Variants in KCNIP4 observed in about 807,000 individuals in gnomAD.
The protein encoded by KCNIP4 is potassium voltage-gated channel interacting protein 4.
In KCNIP4, 12 loss-of-function variants were observed where a neutral mutation model predicts 34.0. The ratio of observed to expected loss-of-function variants is 0.35; its 90% CI spans 0.23 to 0.57. KCNIP4 has a LOEUF of 0.57. Ranked by LOEUF, KCNIP4 falls within the 20% of genes least tolerant of loss-of-function variation. The probability of loss-of-function intolerance (pLI) is 0.83; values close to 1 mark genes in which losing one functional copy is unlikely to be tolerated. For missense variants in KCNIP4, 238 were observed against 311.7 expected (o/e 0.76, Z 1.78); for synonymous variants, 124 against 102.2 (o/e 1.21, Z -1.29).
chr4:21,343,703 AG>A (rs1415456381), intron 1 of KCNIP4, among the ~76,000 whole-genome samples: 1 of 152,038 alleles, frequency 6.6e-6, no homozygotes, highest in Non-Finnish European at 1.5e-5. Context: ...CTTCACCCCC[AG>A]AAAGTCTCAG....
intron 1 of KCNIP4, among the ~76,000 whole-genome samples, chr4:21,014,744 C>T (rs76349941): frequency 0.058 from 8,858 of 152,214 alleles, 299 homozygotes; most frequent in South Asian, 0.11. Context: ...TTACCATTGA[C>T]TCAGCAATTC....
intron 1 of KCNIP4, among the ~76,000 whole-genome samples, chr4:21,236,800 G>C (rs1759389266): frequency 6.6e-6 from 1 of 151,404 alleles, no homozygotes; most frequent in African/African-American, 2.4e-5. Context: ...ACAAGGTCAG[G>C]AGCTCAAGAC....
chr4:21,640,635 C>G (rs1746548952), intron 1 of KCNIP4, among the ~76,000 whole-genome samples: 1 of 152,210 alleles, frequency 6.6e-6, no homozygotes. Context: ...AGCCCTTTCT[C>G]AATCCCTGAG....
At chr4:20,996,016 T>C (rs1221283700) in intron 1 of KCNIP4, among the ~76,000 whole-genome samples, 1 of 152,224 alleles carries the variant, frequency 6.6e-6, no homozygotes, top group Non-Finnish European at 1.5e-5. Context: ...GAGTGTTGCA[T>C]GGAGTCTGAG....
intron 1 of KCNIP4, among the ~76,000 whole-genome samples, chr4:21,236,058 G>A (rs1300933073): frequency 1.3e-5 from 2 of 152,158 alleles, no homozygotes; most frequent in African/African-American, 2.4e-5. Flanking sequence ...AGTTTGGGAG[G>A]CTGAGGCAGG....
chr4:20,955,694 G>T (rs895796745), intron 1 of KCNIP4, among the ~76,000 whole-genome samples: 2 of 152,168 alleles, frequency 1.3e-5, no homozygotes, highest in Non-Finnish European at 2.9e-5. Flanking sequence ...ACCTGAGAGA[G>T]GTAAGTTGAA....
At chr4:21,409,168 A>G (rs1011852256) in intron 1 of KCNIP4, among the ~76,000 whole-genome samples, 3 of 151,154 alleles carry the variant, frequency 2.0e-5, no homozygotes. Context: ...ATGCAATGGC[A>G]TGATCATAGC....
chr4:21,921,400 TATA>T (rs900379893), intron 1 of KCNIP4, among the ~76,000 whole-genome samples: 1 of 152,158 alleles, frequency 6.6e-6, no homozygotes, highest in African/African-American at 2.4e-5. Context: ...TTAAAGAAAA[TATA>T]CATTACAAGG....
At chr4:21,087,146 ATGTGTGTGTGTGTGTG>A (rs34874556) in intron 1 of KCNIP4, among the ~76,000 whole-genome samples, 5 of 110,918 alleles carry the variant, frequency 4.5e-5, no homozygotes, top group Admixed American at 1.9e-4. Context: ...CTGCTGGGTA[ATGTGTGTGTGTGTGTG>A]TGTGTGTGTG....
intron 1 of KCNIP4, among the ~76,000 whole-genome samples, chr4:20,963,049 T>C (rs1387342142): frequency 2.6e-5 from 4 of 152,052 alleles, no homozygotes; most frequent in Non-Finnish European, 5.9e-5. Context: ...AGGCCAGACA[T>C]GGTGGCTCAC....
intron 1 of KCNIP4, among the ~76,000 whole-genome samples, chr4:21,068,619 C>T (rs997834852): frequency 6.6e-6 from 1 of 152,064 alleles, no homozygotes; most frequent in Non-Finnish European, 1.5e-5. Context: ...CATGGCTGTC[C>T]TTTTCTTGTC....
intron 1 of KCNIP4, among the ~76,000 whole-genome samples, chr4:21,747,043 A>G (rs187906521): frequency 1.5e-4 from 23 of 152,310 alleles, no homozygotes; most frequent in African/African-American, 4.8e-4. Context: ...GAATATGCCA[A>G]AATTTAGTTT....
chr4:21,048,943 T>TC (rs1742673533), intron 1 of KCNIP4, among the ~76,000 whole-genome samples: 1 of 141,912 alleles, frequency 7.0e-6, no homozygotes, highest in Non-Finnish European at 1.5e-5. Flanking sequence ...CTTCTGTTTA[T>TC]CTTTTTTTTT....
chr4:20,735,194 T>C (rs910078601), intron 5 of KCNIP4, among the ~76,000 whole-genome samples: 4 of 152,210 alleles, frequency 2.6e-5, no homozygotes, highest in African/African-American at 7.2e-5. Flanking sequence ...CCAGTTATAA[T>C]TTACATGTGG....
intron 1 of KCNIP4, among the ~76,000 whole-genome samples, chr4:21,149,509 C>T (rs1181011563): frequency 2.0e-5 from 3 of 152,090 alleles, no homozygotes; most frequent in Middle Eastern, 3.4e-3. Flanking sequence ...AATGAGAAGA[C>T]GCAGGACCAT....
chr4:21,658,959 G>T (rs896036260), intron 1 of KCNIP4, among the ~76,000 whole-genome samples: 1 of 152,172 alleles, frequency 6.6e-6, no homozygotes, highest in African/African-American at 2.4e-5. Context: ...GTTTGCCAAT[G>T]TATTCTATAG....
chr4:21,186,247 G>A (rs1755221028), intron 1 of KCNIP4, among the ~76,000 whole-genome samples: 1 of 152,128 alleles, frequency 6.6e-6, no homozygotes, highest in African/African-American at 2.4e-5. Flanking sequence ...ATTGTCATAA[G>A]GAAACAGTGA....
At chr4:21,430,062 G>A (rs1306629107) in intron 1 of KCNIP4, among the ~76,000 whole-genome samples, 1 of 152,120 alleles carries the variant, frequency 6.6e-6, no homozygotes, top group Non-Finnish European at 1.5e-5. Flanking sequence ...ACCTAAGATA[G>A]TATCTTGTGC....
At chr4:21,294,975 C>G (rs940299278) in intron 1 of KCNIP4, among the ~76,000 whole-genome samples, 2 of 152,184 alleles carry the variant, frequency 1.3e-5, no homozygotes, top group African/African-American at 2.4e-5. Flanking sequence ...TCTACTGTCA[C>G]AATATTCTCA....
Sources: gnomAD v4.1 joint callset for allele counts (sites outside exome capture counted in the v4.1 genomes callset) on GRCh38, gnomAD v4.1.1 for gene constraint, MANE v1.5 for transcripts, NCBI Gene and HGNC (gene_info 2026-07-23, HGNC 2026-07-21) for gene names.